Variants in STXBP5L observed in about 807,000 individuals in gnomAD.
STXBP5L encodes syntaxin-binding protein 5-like.
Under a neutral mutation model 144.5 loss-of-function variants are expected in STXBP5L, and 65 were observed. The observed-to-expected ratio is 0.45, with a 90% CI of 0.37 to 0.55. STXBP5L has a LOEUF of 0.55. STXBP5L is among the 20% of genes least tolerant of loss of function. STXBP5L has a pLI of 0.00. For synonymous variants in STXBP5L, 505 were observed against 469.6 expected (o/e 1.08, Z -0.97); for missense variants, 1,298 against 1,405.5 (o/e 0.92, Z 1.22).
intron 22 of STXBP5L, among the ~76,000 whole-genome samples, chr3:121,382,071 CA>C: frequency 6.6e-6 from 1 of 151,954 alleles, no homozygotes; most frequent in Non-Finnish European, 1.5e-5. Flanking sequence ...TGTTGCCAAG[CA>C]TATGTTGTAT....
intron 3 of STXBP5L, among the ~76,000 whole-genome samples, chr3:120,994,851 G>C (rs1380561988): frequency 1.3e-5 from 2 of 152,018 alleles, no homozygotes; most frequent in African/African-American, 2.4e-5. Flanking sequence ...AGGACAATTG[G>C]TGTTAGTTCT....
chr3:121,034,657 T>C (rs1946630936), intron 3 of STXBP5L, among the ~76,000 whole-genome samples: 1 of 152,172 alleles, frequency 6.6e-6, no homozygotes, highest in African/African-American at 2.4e-5. Context: ...ATGTATCTGC[T>C]ATTGCGAATA....
At chr3:121,196,857 T>TTGAG (rs1373285648) in intron 9 of STXBP5L, among the ~76,000 whole-genome samples, 198 of 151,614 alleles carry the variant, frequency 1.3e-3, no homozygotes, top group Middle Eastern at 6.8e-3. Flanking sequence ...GATTGATTGA[T>TTGAG]TGATTGATTG....
intron 22 of STXBP5L, among the ~76,000 whole-genome samples, chr3:121,382,812 TTA>T: frequency 6.6e-6 from 1 of 152,164 alleles, no homozygotes; most frequent in Non-Finnish European, 1.5e-5. Flanking sequence ...GCACATATAC[TTA>T]GACCAAAAAA....
intron 7 of STXBP5L, among the ~76,000 whole-genome samples, chr3:121,145,357 A>T (rs1332921818): frequency 9.2e-6 from 1 of 109,160 alleles, no homozygotes; most frequent in Non-Finnish European, 1.9e-5. Flanking sequence ...AGAACAAATG[A>T]TTATCTTTAT....
At chr3:121,056,491 T>C (rs1469141444) in intron 5 of STXBP5L, among the ~76,000 whole-genome samples, 1 of 152,222 alleles carries the variant, frequency 6.6e-6, no homozygotes, top group Non-Finnish European at 1.5e-5. Context: ...GAAAACTCCA[T>C]AATTTATGAA....
intron 2 of STXBP5L, among the ~76,000 whole-genome samples, chr3:120,949,264 ATTT>A (rs1711048071): frequency 6.6e-6 from 1 of 150,586 alleles, no homozygotes; most frequent in Admixed American, 6.6e-5. Flanking sequence ...TTATATTTAT[ATTT>A]TTATTTTTTG....
At chr3:121,203,060 T>G (rs1354417985) in intron 9 of STXBP5L, among the ~76,000 whole-genome samples, 1 of 143,874 alleles carries the variant, frequency 7.0e-6, no homozygotes, top group Admixed American at 7.0e-5. Flanking sequence ...ACTCCTTCAT[T>G]CTTTTTTTCT....
chr3:120,977,315 C>G (rs2107838524), intron 3 of STXBP5L, among the ~76,000 whole-genome samples: 1 of 152,168 alleles, frequency 6.6e-6, no homozygotes, highest in East Asian at 1.9e-4. Context: ...TTCTTTGTCC[C>G]TTTTGATCTT....
chr3:121,009,735 T>C (rs1488751881), intron 3 of STXBP5L, among the ~76,000 whole-genome samples: 2 of 151,924 alleles, frequency 1.3e-5, no homozygotes, highest in Non-Finnish European at 2.9e-5. Flanking sequence ...ATGTACCACT[T>C]CTATCATGTT....
chr3:121,279,235 C>T (rs1451446761), intron 18 of STXBP5L, among the ~76,000 whole-genome samples: 1 of 151,696 alleles, frequency 6.6e-6, no homozygotes, highest in Non-Finnish European at 1.5e-5. Flanking sequence ...ATCAAATGGT[C>T]TCTTTATCTT....
At chr3:121,291,289 C>A (rs930420603) in intron 19 of STXBP5L, among the ~76,000 whole-genome samples, 1 of 151,964 alleles carries the variant, frequency 6.6e-6, no homozygotes, top group South Asian at 2.1e-4. Flanking sequence ...AAGAACTCAA[C>A]CCCTTTTACA....
chr3:121,338,781 A>G (rs73183152), intron 20 of STXBP5L, among the ~76,000 whole-genome samples: 5,403 of 152,214 alleles, frequency 0.035, 148 homozygotes, highest in Middle Eastern at 0.082. Context: ...CTGTGCACAT[A>G]AACTAGAAAA....
intron 5 of STXBP5L, among the ~76,000 whole-genome samples, chr3:121,098,289 A>C (rs2043232679): frequency 6.6e-6 from 1 of 152,170 alleles, no homozygotes; most frequent in Non-Finnish European, 1.5e-5. Context: ...AGCACCTCTG[A>C]AAGCTTACAA....
At chr3:121,315,644 A>T (rs188399529) in intron 19 of STXBP5L, among the ~76,000 whole-genome samples, 67 of 152,160 alleles carry the variant, frequency 4.4e-4, no homozygotes, top group African/African-American at 9.4e-4. Flanking sequence ...AATAATAATT[A>T]AAAAAAGAAG....
At chr3:121,006,653 C>G (rs932843301) in intron 3 of STXBP5L, among the ~76,000 whole-genome samples, 21 of 152,142 alleles carry the variant, frequency 1.4e-4, no homozygotes, top group African/African-American at 9.7e-5. Flanking sequence ...TATCAATGGT[C>G]TTTACAATTT....
At chr3:121,104,751 T>C (rs771368106) in intron 5 of STXBP5L, among the ~76,000 whole-genome samples, 4 of 152,160 alleles carry the variant, frequency 2.6e-5, no homozygotes, top group Non-Finnish European at 4.4e-5. Flanking sequence ...CAACTCAAGA[T>C]GGATCAAAGA....
At chr3:121,200,539 C>T (rs1214232011) in intron 9 of STXBP5L, among the ~76,000 whole-genome samples, 2 of 151,908 alleles carry the variant, frequency 1.3e-5, no homozygotes, top group African/African-American at 4.8e-5. Context: ...TTTGTTTGCT[C>T]TTTCTTCTCT....
At chr3:121,009,873 C>T (rs1372829527) in intron 3 of STXBP5L, among the ~76,000 whole-genome samples, 1 of 151,900 alleles carries the variant, frequency 6.6e-6, no homozygotes, top group Non-Finnish European at 1.5e-5. Flanking sequence ...GTTCCCTATG[C>T]AGACATCATG....
Sources: allele counts gnomAD v4.1 joint callset (sites outside exome capture counted in the v4.1 genomes callset), GRCh38; gene constraint gnomAD v4.1.1; transcripts MANE v1.5; gene names NCBI Gene and HGNC (gene_info 2026-07-23, HGNC 2026-07-21).